IGSF10: variants seen among roughly 807,000 people sequenced by gnomAD.
IGSF10 encodes calvaria mechanical force protein 608.
Under a neutral mutation model 128.2 loss-of-function variants are expected in IGSF10, and 126 were observed. The observed-to-expected ratio is 0.98, with a 90% CI of 0.85 to 1.14. IGSF10 has a LOEUF of 1.14. Ranked by LOEUF, IGSF10 falls within the 50% of genes most tolerant of loss-of-function variation. The probability of loss-of-function intolerance (pLI) is 0.00; values close to 1 mark genes in which losing one functional copy is unlikely to be tolerated. For missense variants in IGSF10, 3,295 were observed against 3,149.8 expected, an observed-to-expected ratio of 1.05 and a Z score of -1.10; for synonymous variants, 1,185 against 1,146.2, an observed-to-expected ratio of 1.03 and a Z score of -0.68.
the IGSF10 span, among the ~76,000 whole-genome samples, chr3:151,546,969 C>A: frequency 1.3e-5 from 2 of 152,070 alleles, no homozygotes; most frequent in African/African-American, 4.8e-5. Context: ...TGGGGTTTCA[C>A]CATGTGGACC....
the IGSF10 span, among the ~76,000 whole-genome samples, chr3:151,577,283 T>C: frequency 6.6e-6 from 1 of 152,150 alleles, no homozygotes; most frequent in Non-Finnish European, 1.5e-5. Context: ...CTTTATAACA[T>C]GGCTAGGAAA....
intron 7 of IGSF10, among the ~76,000 whole-genome samples, chr3:151,441,911 A>G (rs1354683658): frequency 6.6e-6 from 1 of 152,110 alleles, no homozygotes; most frequent in African/African-American, 2.4e-5. Flanking sequence ...AATACAAAAA[A>G]TTAGTCGGAT....
chr3:151,567,803 A>G, the IGSF10 span, among the ~76,000 whole-genome samples: 1 of 152,090 alleles, frequency 6.6e-6, no homozygotes, highest in African/African-American at 2.4e-5. Flanking sequence ...TGCCTTGCCC[A>G]TTCCTTTCCA....
At position 151,448,012 on chromosome 3, in the gene IGSF10, T is replaced by G. The variant is rs762582932; in HGVS notation, c.1969A>C (p.Ile657Leu). The stretch of plus-strand genomic sequence containing the variant: ...TTCATCTTGACTGAAACTTGGAAAA[T>G]CAAAAAATCAACCCCTGATGGGTTG... ...AANPSGVDFLIFQVSVKMKGQ... is the reference protein window; with the variant it reads ...AANPSGVDFLLFQVSVKMKGQ... The change falls in exon 6 of 8, where the codon ATT becomes CTT. Residue 657 changes from isoleucine to leucine, a missense_variant. By Grantham distance (5) the Ile-to-Leu change is conservative. Coordinates refer to ENST00000282466, the MANE Select transcript of IGSF10 (RefSeq NM_178822.5). 6.2e-7 allele frequency: 1 copy of G among 1,614,022 alleles called. No homozygotes were observed. The highest frequency in any genetic ancestry group is 8.5e-7 in the Non-Finnish European group (1 of 1,179,992).
chr3:151,443,291 G>A lies in IGSF10; in HGVS notation c.5656C>T (p.Pro1886Ser), dbSNP rs771046171. 1 of 1,613,690 alleles carries A rather than the reference G, an allele frequency of 6.2e-7. No individual in the cohort carries two copies. ...AACTTGGAATTGGTAAACTGTAATG[G>A]TTTCACTTCAGTGCCATCAGAGAGG... ...WVLSDGTEVK[P>S]LQFTNSKLFL... Residue 1886 changes from proline to serine, a missense_variant, in exon 7 of 8, where the codon CCA (proline) becomes TCA (serine). Coordinates refer to ENST00000282466, the MANE Select transcript of IGSF10 (RefSeq NM_178822.5).
At chr3:151,535,143 A>G in the IGSF10 span, among the ~76,000 whole-genome samples, 1 of 152,212 alleles carries the variant, frequency 6.6e-6, no homozygotes, top group Admixed American at 6.5e-5. Context: ...AACATCTGAC[A>G]CAGTGCAAAA....
At chr3:151,433,786 T>TTTA (rs1719792685), downstream of IGSF10, 1 of 152,598 alleles carries the variant, frequency 6.6e-6, no homozygotes, top group Admixed American at 6.5e-5. Flanking sequence ...GTATTTGCTG[T>TTTA]TTATTTTGTA....
In IGSF10 at chr3:151,437,602, C is replaced by T; in HGVS notation, c.6959G>A (p.Gly2320Glu). 6.2e-7 allele frequency: 1 copy of T among 1,614,198 alleles called. No homozygotes were observed. Among genetic ancestry groups the T allele is most frequent in the Non-Finnish European group, 8.5e-7 (1 of 1,180,030 alleles). Reference sequence around the variant, plus strand: ...TAACTGTACTACCAACACGCTCTCTCCACCTTCATTTCGGGCCACACAGAT... The same window carrying T: ...TAACTGTACTACCAACACGCTCTCTTCACCTTCATTTCGGGCCACACAGAT... Reference protein sequence around the residue: ...DFICVARNEGGESVLVVQLEV... With the variant: ...DFICVARNEGEESVLVVQLEV... Residue 2320 changes from glycine to glutamate, a missense_variant, in exon 8 of 8, where the codon GGA (glycine) becomes GAA (glutamate). Physicochemically the swap from Gly to Glu is moderately conservative, Grantham distance 98. Transcript: ENST00000282466.
At chr3:151,551,983 G>A in the IGSF10 span, among the ~76,000 whole-genome samples, 1 of 152,102 alleles carries the variant, frequency 6.6e-6, no homozygotes, top group Non-Finnish European at 1.5e-5. Context: ...GATGTGGTTT[G>A]GCTCTATGTC....
chr3:151,484,357 G>T, the IGSF10 span, among the ~76,000 whole-genome samples: 3 of 152,184 alleles, frequency 2.0e-5, no homozygotes, highest in African/African-American at 7.2e-5. Context: ...ATGGCGGGAG[G>T]GGCAGTTGTG....
rs1577658933 is a variant in IGSF10 at position 151,437,870 on chromosome 3, C to A, written c.6691G>T (p.Val2231Phe). ...CCATTGATTAATGGAGGTTTAGAGACCACATCCAGTTTGTACATTTTGGTG... is the reference window on the plus strand; with the variant it reads ...CCATTGATTAATGGAGGTTTAGAGAACACATCCAGTTTGTACATTTTGGTG... ...DDTKMYKLDV[V>F]SKPPLINGLY... is the part of the protein sequence containing the mutation. Residue 2231 changes from valine to phenylalanine, a missense_variant, in exon 8 of 8, where the codon GTC (valine) becomes TTC (phenylalanine). Coordinates refer to ENST00000282466, the MANE Select transcript of IGSF10 (RefSeq NM_178822.5). 6.2e-7 allele frequency: 1 copy of A among 1,613,996 alleles called. No individual in the cohort carries two copies. The highest frequency in any genetic ancestry group is 8.5e-7 in the Non-Finnish European group (1 of 1,179,890).
At chr3:151,560,708 C>A in the IGSF10 span, among the ~76,000 whole-genome samples, 1 of 151,690 alleles carries the variant, frequency 6.6e-6, no homozygotes, top group South Asian at 2.1e-4. Flanking sequence ...CATAGCCCCC[C>A]CCTCCGTCCC....
At chr3:151,554,256 T>C in the IGSF10 span, among the ~76,000 whole-genome samples, 1 of 152,246 alleles carries the variant, frequency 6.6e-6, no homozygotes, top group East Asian at 1.9e-4. Flanking sequence ...CCAAAGATTT[T>C]ATTGGAATAG....
chr3:151,567,731 C>T, the IGSF10 span, among the ~76,000 whole-genome samples: 1 of 152,326 alleles, frequency 6.6e-6, no homozygotes, highest in East Asian at 1.9e-4. Flanking sequence ...ACAGCTCCTA[C>T]ACCCCAGAGC....
chr3:151,580,675 T>TAA, the IGSF10 span, among the ~76,000 whole-genome samples: 1 of 150,032 alleles, frequency 6.7e-6, no homozygotes, highest in African/African-American at 2.4e-5. Flanking sequence ...GTTTTAACGT[T>TAA]AAAAAAAAAA....
At chr3:151,610,768 C>T in the IGSF10 span, among the ~76,000 whole-genome samples, 24 of 152,208 alleles carry the variant, frequency 1.6e-4, no homozygotes, top group African/African-American at 5.5e-4. Flanking sequence ...GAGGGTCAGT[C>T]TATGGCAGAA....
chr3:151,601,215 ACT>A, the IGSF10 span, among the ~76,000 whole-genome samples: 1 of 152,050 alleles, frequency 6.6e-6, no homozygotes. Context: ...ACTGGCTCAA[ACT>A]CTAAATTAAA....
At chr3:151,592,729 G>C in the IGSF10 span, among the ~76,000 whole-genome samples, 2 of 152,030 alleles carry the variant, frequency 1.3e-5, no homozygotes, top group Non-Finnish European at 2.9e-5. Flanking sequence ...TATTATGAGA[G>C]ACCTATAAAT....
In IGSF10 at chr3:151,458,501, TGA is replaced by T; in HGVS notation, c.194+13_194+14del. 1 of 1,589,670 alleles carries T rather than the reference TGA, an allele frequency of 6.3e-7. No individual in the cohort carries two copies. The highest frequency in any genetic ancestry group is 8.6e-7 in the Non-Finnish European group (1 of 1,163,620). Reference sequence around the variant, plus strand: ...GATCCCTCTTTGAGAAGAGGAAACATGAGGTCTCACACACCCTAAATTGATGC... The same window carrying T: ...GATCCCTCTTTGAGAAGAGGAAACATGGTCTCACACACCCTAAATTGATGC... On this transcript the variant is annotated intron_variant, in intron 3 of 7. Coordinates refer to ENST00000282466, the MANE Select transcript of IGSF10 (RefSeq NM_178822.5).
Sources: allele counts gnomAD v4.1 joint callset (sites outside exome capture counted in the v4.1 genomes callset), GRCh38; gene constraint gnomAD v4.1.1; transcripts MANE v1.5; gene names NCBI Gene and HGNC (gene_info 2026-07-23, HGNC 2026-07-21).